The following PCDHGA10 variants were observed in gnomAD, a reference collection of about 807,000 sequenced individuals.
PCDHGA10 encodes protocadherin gamma-A10.
PCDHGA10 carries 42 observed loss-of-function variants against 59.5 expected under a neutral mutation model. The ratio of observed to expected loss-of-function variants is 0.71; its 90% CI spans 0.55 to 0.91. PCDHGA10 has a LOEUF of 0.91. PCDHGA10 is among the 40% of genes least tolerant of loss of function. The pLI, the probability that PCDHGA10 is intolerant of heterozygous loss-of-function variation, is 0.00. For missense variants in PCDHGA10, 1,111 were observed against 1,198.2 expected, an observed-to-expected ratio of 0.93 and a Z score of 1.07; for synonymous variants, 511 against 517.2, an observed-to-expected ratio of 0.99 and a Z score of 0.16.
chr5:141,492,084 G>A (rs979755390), intron 1 of PCDHGA10, among the ~76,000 whole-genome samples: 1 of 152,236 alleles, frequency 6.6e-6, no homozygotes, highest in Non-Finnish European at 1.5e-5. Flanking sequence ...GCTCCGGCAC[G>A]CTTCGCCGGT....
rs375537017 is a variant in PCDHGA10 at position 141,419,439 on chromosome 5, C to T, written c.2436+3828C>T. 22 of 1,613,154 alleles carry T rather than the reference C, an allele frequency of 1.4e-5. No individual in the cohort carries two copies. Among genetic ancestry groups the T allele is most frequent in the Non-Finnish European group, 1.7e-5 (20 of 1,179,788 alleles). On this transcript the variant is annotated intron_variant, in intron 1 of 3. Transcript: ENST00000398610. ...GCCTTCGACCACGAGCAGCTGCGCACCTTCGAGCTCACGCTGCAGGCCCGC... is the reference window on the plus strand; with the variant it reads ...GCCTTCGACCACGAGCAGCTGCGCATCTTCGAGCTCACGCTGCAGGCCCGC...
intron 1 of PCDHGA10, among the ~76,000 whole-genome samples, chr5:141,463,618 T>G (rs2099065558): frequency 6.6e-6 from 1 of 151,792 alleles, no homozygotes; most frequent in African/African-American, 2.4e-5. Context: ...CCGGCTAATT[T>G]TTTGTATTTT....
At chr5:141,460,456 T>C (rs2098989632) in intron 1 of PCDHGA10, among the ~76,000 whole-genome samples, 1 of 152,124 alleles carries the variant, frequency 6.6e-6, no homozygotes, top group South Asian at 2.1e-4. Flanking sequence ...AAGATTCATA[T>C]TTTTTTCCAA....
At chr5:141,448,449 T>C (rs528049717) in intron 1 of PCDHGA10, among the ~76,000 whole-genome samples, 1 of 152,284 alleles carries the variant, frequency 6.6e-6, no homozygotes, top group South Asian at 2.1e-4. Context: ...CTGACTTCCA[T>C]CCCTATCCTA....
rs1187072972 is a variant in PCDHGA10 at position 141,487,553 on chromosome 5, C to T, written c.2437-7254C>T. 4 of 1,614,050 alleles carry T rather than the reference C, an allele frequency of 2.5e-6. No individual in the cohort carries two copies. The African/African-American group carries it at 4.0e-5, about 16-fold the overall frequency. On this transcript the variant is annotated intron_variant, in intron 1 of 3. Coordinates refer to ENST00000398610, the MANE Select transcript of PCDHGA10 (RefSeq NM_018913.3). The surrounding 1 kb of genome is among the most constrained non-coding windows in gnomAD (Gnocchi z 5.0). ...CATGATGGTGAAGTCACCCAGTGCA[C>T]CTATGGCAGGGGAGCCTGTTCGCCC...
chr5:141,427,817 G>A, intron 1 of PCDHGA10: 2 of 1,528,134 alleles, frequency 1.3e-6, no homozygotes, highest in Non-Finnish European at 1.8e-6. Flanking sequence ...AGAGCGGGGT[G>A]GTGGTCGCGC....
At chr5:141,460,453 A>G (rs1487816393) in intron 1 of PCDHGA10, among the ~76,000 whole-genome samples, 1 of 152,152 alleles carries the variant, frequency 6.6e-6, no homozygotes, top group Non-Finnish European at 1.5e-5. Flanking sequence ...ATGAAGATTC[A>G]TATTTTTTTC....
rs1219684339 is a variant in PCDHGA10, at chr5:141,506,444, CAAAAAAAAAAA to C, written c.2584+974_2584+984del. Among the ~76,000 whole-genome samples, 33 of 95,024 alleles carry C rather than the reference CAAAAAAAAAAA, an allele frequency of 3.5e-4. No individual in the cohort carries two copies. The East Asian group carries it at 0.011, about 31-fold the overall frequency. The allele number at this position is 95,024 out of a possible 152,430, so 62.3% of individuals were successfully genotyped here. On this transcript the variant is annotated intron_variant, in intron 3 of 3. Coordinates refer to ENST00000398610, the MANE Select transcript of PCDHGA10 (RefSeq NM_018913.3). ...CCTGGGCAACAGTCTCGCTCTGTCTCAAAAAAAAAAAAAAAAAAAAAGAGCACAGGCTTTAG... is the reference window on the plus strand; with the variant it reads ...CCTGGGCAACAGTCTCGCTCTGTCTCAAAAAAAAAAGAGCACAGGCTTTAG...
At position 141,486,927 on chromosome 5, in the gene PCDHGA10, G is replaced by T. The variant is rs2099637231; in HGVS notation, c.2437-7880G>T. On this transcript the variant is annotated intron_variant, in intron 1 of 3. Transcript: ENST00000398610. The surrounding 1 kb of genome is among the most constrained non-coding windows in gnomAD (Gnocchi z 5.0). ...CCCCAAGCACTGCCTCCATCAGTTG[G>T]TGCTGGCCACCTAATCACAAAGGTG... 1 of 1,614,108 alleles carries T rather than the reference G, an allele frequency of 6.2e-7. No homozygotes were observed. Among genetic ancestry groups the T allele is most frequent in the Non-Finnish European group, 8.5e-7 (1 of 1,180,054 alleles).
intron 1 of PCDHGA10, among the ~76,000 whole-genome samples, chr5:141,463,479 C>T (rs1162346496): frequency 4.1e-5 from 5 of 120,544 alleles, no homozygotes; most frequent in Non-Finnish European, 8.1e-5. Flanking sequence ...GATGGAGTCT[C>T]GCTCTGTCAC....
At chr5:141,417,994 G>T (rs369226139) in intron 1 of PCDHGA10, 231 of 1,613,766 alleles carry the variant, frequency 1.4e-4, no homozygotes, top group Non-Finnish European at 1.8e-4. Flanking sequence ...CCAAGGGCTC[G>T]GTGGTGGGGA....
Position 141,476,064 on chromosome 5 carries a change from C to T in PCDHGA10, c.2437-18743C>T, listed in dbSNP as rs1593605493. On this transcript the variant is annotated intron_variant, in intron 1 of 3. Transcript: ENST00000398610. The surrounding 1 kb of genome is among the most constrained non-coding windows in gnomAD (Gnocchi z 7.6). Reference sequence around the variant, plus strand: ...CGCTAACCCGCTGAAAGTTTCTCAGCGAAATCTCAGGGACGATCTGGACCC... The same window carrying T: ...CGCTAACCCGCTGAAAGTTTCTCAGTGAAATCTCAGGGACGATCTGGACCC... 2.0e-6 allele frequency: 3 copies of T among 1,510,080 alleles called. No homozygotes were observed. In the East Asian group the frequency reaches 6.8e-5, roughly 34 times the overall value. 93.5% of individuals were successfully genotyped at this position (1,510,080 alleles called of 1,614,324 possible). A position where few individuals can be genotyped will look rare whatever the true frequency, so the allele number is the denominator to read the frequency against.
chr5:141,430,826 C>T (rs993762069), intron 1 of PCDHGA10: 1 of 1,550,298 alleles, frequency 6.5e-7, no homozygotes, highest in Non-Finnish European at 8.7e-7. Context: ...CCTGGGGACT[C>T]TGTGGGAGAC....
intron 1 of PCDHGA10, chr5:141,417,924 T>C (rs1197566429): frequency 1.9e-6 from 3 of 1,609,340 alleles, no homozygotes; most frequent in Admixed American, 1.7e-5. Flanking sequence ...CCTTTGCTGC[T>C]GCCTTTGTTC....
rs1375469711 is a variant in PCDHGA10 at position 141,512,102 on chromosome 5, C to G, written c.*929C>G. On this transcript the variant is annotated 3_prime_UTR_variant, in exon 4 of 4. Coordinates refer to ENST00000398610, the MANE Select transcript of PCDHGA10 (RefSeq NM_018913.3). Reference sequence around the variant, plus strand: ...GCCATAAACCAATAACTAGGCTGGACCCTTCCCACTACATAATAGGGCTCA... The same window carrying G: ...GCCATAAACCAATAACTAGGCTGGAGCCTTCCCACTACATAATAGGGCTCA... The G allele has an allele frequency of 6.5e-6, 1 of 152,806 alleles. No individual in the cohort carries two copies. The highest frequency in any genetic ancestry group is 1.9e-4 in the East Asian group (1 of 5,182). The allele number at this position is 152,806 out of a possible 1,614,324, so 9.5% of individuals were successfully genotyped here. A position where few individuals can be genotyped will look rare whatever the true frequency, so the allele number is the denominator to read the frequency against.
At chr5:141,463,796 G>T (rs139760353) in intron 1 of PCDHGA10, among the ~76,000 whole-genome samples, 3 of 152,114 alleles carry the variant, frequency 2.0e-5, no homozygotes, top group Non-Finnish European at 2.9e-5. Flanking sequence ...TTGAACAAAT[G>T]TCTAAAAGCT....
chr5:141,462,811 T>C (rs893444929), intron 1 of PCDHGA10, among the ~76,000 whole-genome samples: 1 of 152,206 alleles, frequency 6.6e-6, no homozygotes, highest in Non-Finnish European at 1.5e-5. Context: ...ATAATGTTTT[T>C]ATTGGACAGC....
Position 141,477,554 on chromosome 5 carries a change from A to T in PCDHGA10, c.2437-17253A>T. The T allele has an allele frequency of 6.2e-7, 1 of 1,614,112 alleles. No homozygotes were observed. Among genetic ancestry groups the T allele is most frequent in the South Asian group, 1.1e-5 (1 of 91,086 alleles). Reference sequence around the variant, plus strand: ...CCCCGGGGCTCCAATACTAAACCTAAGTGTCTGGGACCCCGACGCCCCGCA... The same window carrying T: ...CCCCGGGGCTCCAATACTAAACCTATGTGTCTGGGACCCCGACGCCCCGCA... On this transcript the variant is annotated intron_variant, in intron 1 of 3. Transcript: ENST00000398610. This position sits in a 1 kb window ranked among gnomAD's most constrained non-coding sequence, Gnocchi z 4.9.
chr5:141,434,429 C>T (rs1379210960), intron 1 of PCDHGA10, among the ~76,000 whole-genome samples: 2 of 152,152 alleles, frequency 1.3e-5, no homozygotes, highest in Admixed American at 6.5e-5. Flanking sequence ...TCATGATGGC[C>T]GTAATGCCCA....
Sources: allele counts gnomAD v4.1 joint callset (sites outside exome capture counted in the v4.1 genomes callset), GRCh38; gene constraint gnomAD v4.1.1; non-coding constraint Gnocchi (gnomAD v3.1); transcripts MANE v1.5; gene names NCBI Gene and HGNC (gene_info 2026-07-23, HGNC 2026-07-21).